The following UBE3C variants were observed in gnomAD, a reference collection of about 807,000 sequenced individuals.
UBE3C encodes the protein ubiquitin protein ligase E3C.
A neutral mutation model predicts 129.4 loss-of-function variants in UBE3C; 42 were observed. The observed-to-expected ratio is 0.32, with a 90% CI of 0.25 to 0.42. UBE3C has a LOEUF of 0.42. UBE3C is among the 10% of genes least tolerant of loss of function. UBE3C has a pLI of 1.00. For synonymous variants in UBE3C, 510 were observed against 492.4 expected, an observed-to-expected ratio of 1.04 and a Z score of -0.47; for missense variants, 1,049 against 1,319.1, an observed-to-expected ratio of 0.80 and a Z score of 3.17.
chr7:157,195,405 A>G (rs1380268247), intron 10 of UBE3C, among the ~76,000 whole-genome samples: 1 of 152,236 alleles, frequency 6.6e-6, no homozygotes, highest in East Asian at 1.9e-4. Flanking sequence ...ACCTTTTGTG[A>G]AAAAGTAAAG....
intron 22 of UBE3C, among the ~76,000 whole-genome samples, chr7:157,259,989 T>C (rs755066372): frequency 2.0e-5 from 3 of 152,130 alleles, no homozygotes; most frequent in Non-Finnish European, 4.4e-5. Flanking sequence ...TTGTTTCAAA[T>C]AGGTCAATCA....
chr7:157,261,593 T>A (rs1159265529), intron 22 of UBE3C, among the ~76,000 whole-genome samples: 1 of 152,336 alleles, frequency 6.6e-6, no homozygotes, highest in East Asian at 1.9e-4. Context: ...TTAGTATGCC[T>A]GGATTTGCCA....
chr7:157,239,815 A>G (rs1010217461), intron 18 of UBE3C, among the ~76,000 whole-genome samples: 2 of 152,226 alleles, frequency 1.3e-5, no homozygotes, highest in Non-Finnish European at 2.9e-5. Flanking sequence ...AGGGGGCGCC[A>G]CAGGCTGCGT....
chr7:157,200,721 A>G (rs577972242), intron 10 of UBE3C, among the ~76,000 whole-genome samples: 1 of 152,130 alleles, frequency 6.6e-6, no homozygotes, highest in African/African-American at 2.4e-5. Flanking sequence ...TGCAGCCTTG[A>G]ACTCCTGGGC....
chr7:157,212,163 G>A (rs2117021772), intron 13 of UBE3C, among the ~76,000 whole-genome samples: 1 of 151,334 alleles, frequency 6.6e-6, no homozygotes, highest in Non-Finnish European at 1.5e-5. Context: ...GCTTTTTAAA[G>A]AACTAACTCA....
chr7:157,217,098 TAAACC>T, intron 14 of UBE3C, 127 bp downstream of exon 14: 1 of 683,808 alleles, frequency 1.5e-6, no homozygotes, highest in Non-Finnish European at 2.4e-6. Flanking sequence ...ATAGTAATGA[TAAACC>T]TTATTACTAA....
At chr7:157,164,063 T>C (rs927298743) in intron 2 of UBE3C, among the ~76,000 whole-genome samples, 200 bp downstream of exon 2, 11 of 152,190 alleles carry the variant, frequency 7.2e-5, no homozygotes, top group African/African-American at 2.7e-4. Context: ...GTTTCCAGAC[T>C]GGAGAAGGAA....
intron 22 of UBE3C, 150 bp from the exon 23 acceptor site, chr7:157,267,435 A>G (rs1797109821): frequency 4.0e-6 from 4 of 993,606 alleles, no homozygotes; most frequent in Non-Finnish European, 6.0e-6. Flanking sequence ...GAAAACAAAC[A>G]ACAACAACAA....
intron 9 of UBE3C, among the ~76,000 whole-genome samples, chr7:157,185,013 A>C (rs1228432708): frequency 6.6e-6 from 1 of 152,196 alleles, no homozygotes; most frequent in African/African-American, 2.4e-5. Flanking sequence ...ACAAGTATTC[A>C]TTTTTTTGTA....
At chr7:157,242,627 GT>G (rs1796368946) in intron 18 of UBE3C, among the ~76,000 whole-genome samples, 1 of 151,220 alleles carries the variant, frequency 6.6e-6, no homozygotes. Context: ...GGGAATATGG[GT>G]TTGCTACTTT....
intron 22 of UBE3C, among the ~76,000 whole-genome samples, chr7:157,258,872 G>A (rs184759502): frequency 7.9e-5 from 12 of 152,236 alleles, no homozygotes; most frequent in East Asian, 1.9e-4. Context: ...TTCTAAACCC[G>A]CACTGACCAA....
At chr7:157,155,316 C>A (rs1807872111) in intron 1 of UBE3C, among the ~76,000 whole-genome samples, 1 of 152,046 alleles carries the variant, frequency 6.6e-6, no homozygotes, top group African/African-American at 2.4e-5. Flanking sequence ...TGCCTGAGAG[C>A]CAGAAAATAC....
At chr7:157,254,715 T>C (rs909932210) in intron 21 of UBE3C, among the ~76,000 whole-genome samples, 45 of 152,236 alleles carry the variant, frequency 3.0e-4, no homozygotes, top group Admixed American at 2.6e-3. Flanking sequence ...TAATTTTTAT[T>C]GTACTCTTTT....
Position 157,177,532 on chromosome 7 carries a change from C to T in UBE3C, c.459-1158C>T, listed in dbSNP as rs185798240. Among the ~76,000 whole-genome samples, 352 of 152,330 alleles carry T rather than the reference C, an allele frequency of 2.3e-3. 2 individuals are homozygous for T. The highest frequency in any genetic ancestry group is 0.011 in the East Asian group (57 of 5,178). ...GACTTTTCCAGGTTGACAAGAGGCT[C>T]TCCCACCGCCCGCCGCTGCCCTTTG... On this transcript the variant is annotated intron_variant, in intron 5 of 22. Transcript: ENST00000348165.
intron 1 of UBE3C, among the ~76,000 whole-genome samples, chr7:157,152,703 A>T (rs1450041008): frequency 6.6e-6 from 1 of 152,084 alleles, no homozygotes; most frequent in Non-Finnish European, 1.5e-5. Flanking sequence ...TGGTTTGTTT[A>T]TCCGGATGCT....
chr7:157,257,128 C>T, intron 22 of UBE3C, 84 bp downstream of exon 22: 7 of 1,533,722 alleles, frequency 4.6e-6, no homozygotes, highest in East Asian at 2.3e-5. Context: ...TAAATGAAGT[C>T]CTTTTACATA....
chr7:157,179,704 C>G (rs1463895520), intron 6 of UBE3C, among the ~76,000 whole-genome samples: 2 of 152,184 alleles, frequency 1.3e-5, no homozygotes, highest in African/African-American at 4.8e-5. Context: ...TTATAAGCAG[C>G]TGTGCTTTCC....
intron 1 of UBE3C, among the ~76,000 whole-genome samples, chr7:157,141,272 C>T (rs1204231126): frequency 6.6e-6 from 1 of 152,172 alleles, no homozygotes; most frequent in Non-Finnish European, 1.5e-5. Context: ...TGCATATGGA[C>T]ACTCTCCTGT....
At chr7:157,201,028 A>G (rs1809263818) in intron 10 of UBE3C, among the ~76,000 whole-genome samples, 1 of 152,134 alleles carries the variant, frequency 6.6e-6, no homozygotes, top group African/African-American at 2.4e-5. Context: ...TACAAATTTT[A>G]AACGTGTTAA....
Sources: allele counts gnomAD v4.1 joint callset (sites outside exome capture counted in the v4.1 genomes callset), GRCh38; gene constraint gnomAD v4.1.1; transcripts MANE v1.5; gene names NCBI Gene and HGNC (gene_info 2026-07-23, HGNC 2026-07-21).